The following ADK variants were observed in gnomAD, a reference collection of about 807,000 sequenced individuals.
The protein encoded by ADK is N6,N6-dimethyladenosine kinase.
In ADK, 24 loss-of-function variants were observed where a neutral mutation model predicts 44.7. The ratio of observed to expected loss-of-function variants is 0.54; its 90% CI spans 0.39 to 0.76. ADK has a LOEUF of 0.76. Among genes scored for constraint, ADK ranks in the 30% least tolerant of loss-of-function variants. The pLI is 0.00. For missense variants in ADK, 321 were observed against 425.1 expected (o/e 0.76, Z 2.15); for synonymous variants, 128 against 142.6 (o/e 0.90, Z 0.73).
At chr10:74,286,984 G>T (rs1304234438) in intron 3 of ADK, among the ~76,000 whole-genome samples, 1 of 152,082 alleles carries the variant, frequency 6.6e-6, no homozygotes, top group Non-Finnish European at 1.5e-5. Flanking sequence ...ACCGCGAGTG[G>T]TCTTTATCAT....
intron 7 of ADK, chr10:74,527,604 C>T (rs1131988): frequency 1.2e-5 from 9 of 775,816 alleles, no homozygotes; most frequent in Admixed American, 5.1e-5. Flanking sequence ...CTGCCTTTGC[C>T]GGTGCAGTGA....
At chr10:74,169,928 A>G (rs1842116661) in intron 1 of ADK, among the ~76,000 whole-genome samples, 1 of 152,240 alleles carries the variant, frequency 6.6e-6, no homozygotes, top group African/African-American at 2.4e-5. Flanking sequence ...TCAGAAAAGG[A>G]AACTGATGGT....
chr10:74,456,919 A>G (rs1158713643), intron 6 of ADK, among the ~76,000 whole-genome samples: 1 of 152,146 alleles, frequency 6.6e-6, no homozygotes, highest in Non-Finnish European at 1.5e-5. Context: ...CGATGAAAAG[A>G]TCTAGAGAAG....
chr10:74,313,276 C>T (rs956496764), intron 3 of ADK, among the ~76,000 whole-genome samples: 1 of 152,018 alleles, frequency 6.6e-6, no homozygotes, highest in Admixed American at 6.6e-5. Context: ...TTTTCAAAGT[C>T]ATACACCACT....
intron 10 of ADK, among the ~76,000 whole-genome samples, chr10:74,695,095 T>C (rs1375126397): frequency 6.6e-6 from 1 of 152,200 alleles, no homozygotes; most frequent in Non-Finnish European, 1.5e-5. Context: ...CCACCTTTTC[T>C]CTATTTATTT....
intron 2 of ADK, among the ~76,000 whole-genome samples, chr10:74,201,729 TATA>T (rs1843402365): frequency 7.0e-6 from 1 of 142,244 alleles, no homozygotes; most frequent in Admixed American, 7.3e-5. Flanking sequence ...TCTATCTATC[TATA>T]TATGGTTCAG....
chr10:74,189,644 A>G (rs776909567), intron 1 of ADK, among the ~76,000 whole-genome samples: 1 of 152,246 alleles, frequency 6.6e-6, no homozygotes, highest in Non-Finnish European at 1.5e-5. Context: ...TGCACAGCTC[A>G]GTAGTTTTCA....
chr10:74,554,103 G>A (rs1850147870), intron 7 of ADK, among the ~76,000 whole-genome samples: 1 of 152,138 alleles, frequency 6.6e-6, no homozygotes, highest in Non-Finnish European at 1.5e-5. Flanking sequence ...TCCCATGGTA[G>A]CTTCTTATAC....
chr10:74,355,342 T>G (rs1170677262), intron 4 of ADK, among the ~76,000 whole-genome samples: 2 of 152,234 alleles, frequency 1.3e-5, no homozygotes, highest in African/African-American at 4.8e-5. Flanking sequence ...AAAACTTCTC[T>G]GCTGCCTGGA....
chr10:74,180,382 C>T (rs1038395088), intron 1 of ADK, among the ~76,000 whole-genome samples: 19 of 150,104 alleles, frequency 1.3e-4, no homozygotes, highest in Middle Eastern at 3.5e-3. Context: ...GGTTTACAGA[C>T]GCCTGCCTCA....
intron 10 of ADK, among the ~76,000 whole-genome samples, chr10:74,704,854 G>A (rs1440466287): frequency 6.6e-6 from 1 of 152,218 alleles, no homozygotes; most frequent in African/African-American, 2.4e-5. Context: ...CATTCACTGT[G>A]TGGACTGAGC....
intron 7 of ADK, among the ~76,000 whole-genome samples, chr10:74,541,792 A>ACCCC (rs1172991136): frequency 5.9e-4 from 17 of 28,828 alleles, no homozygotes; most frequent in Non-Finnish European, 9.1e-4. Context: ...GAACCCCCAC[A>ACCCC]CACCCCCCCC....
At chr10:74,550,786 T>G (rs1027536278) in intron 7 of ADK, among the ~76,000 whole-genome samples, 2 of 152,224 alleles carry the variant, frequency 1.3e-5, no homozygotes, top group African/African-American at 4.8e-5. Context: ...TTTATATCAT[T>G]TTACTTATTA....
At chr10:74,519,413 A>G (rs1275160789) in intron 6 of ADK, among the ~76,000 whole-genome samples, 1 of 152,004 alleles carries the variant, frequency 6.6e-6, no homozygotes, top group Non-Finnish European at 1.5e-5. Flanking sequence ...AATTTAAATT[A>G]CATTTAAAAT....
intron 4 of ADK, among the ~76,000 whole-genome samples, chr10:74,375,546 C>T (rs1184692706): frequency 2.6e-5 from 4 of 152,090 alleles, no homozygotes; most frequent in South Asian, 2.1e-4. Flanking sequence ...CATTTTGGAC[C>T]GTGATACAGT....
chr10:74,294,727 C>T (rs1191440555), intron 3 of ADK, among the ~76,000 whole-genome samples: 4 of 152,146 alleles, frequency 2.6e-5, no homozygotes, highest in African/African-American at 9.7e-5. Flanking sequence ...ATTTCCTTGA[C>T]CATGACCACT....
At chr10:74,541,796 C>CCG (rs1849643333) in intron 7 of ADK, among the ~76,000 whole-genome samples, 1 of 108,326 alleles carries the variant, frequency 9.2e-6, no homozygotes, top group Non-Finnish European at 1.9e-5. Flanking sequence ...CCCCACACAC[C>CCG]CCCCCCCCCT....
At chr10:74,183,283 A>G (rs1564577717) in intron 1 of ADK, among the ~76,000 whole-genome samples, 1 of 152,146 alleles carries the variant, frequency 6.6e-6, no homozygotes. Flanking sequence ...TATTTAAAAA[A>G]TACTGTTGCT....
intron 2 of ADK, among the ~76,000 whole-genome samples, chr10:74,212,643 C>G (rs115634894): frequency 6.6e-6 from 1 of 152,164 alleles, no homozygotes; most frequent in Non-Finnish European, 1.5e-5. Flanking sequence ...TGAAATCTCT[C>G]GTGCCTCTAT....
Sources: allele counts gnomAD v4.1 joint callset (sites outside exome capture counted in the v4.1 genomes callset), GRCh38; gene constraint gnomAD v4.1.1; transcripts MANE v1.5; gene names NCBI Gene and HGNC (gene_info 2026-07-23, HGNC 2026-07-21).